Variants in DSCAM observed in about 807,000 individuals in gnomAD.
DSCAM encodes the protein DS cell adhesion molecule.
In DSCAM, 47 loss-of-function variants were observed where a neutral mutation model predicts 217.7. That is an observed-to-expected ratio of 0.22 (90% CI 0.17 to 0.28). The LOEUF (loss-of-function observed/expected upper bound fraction) is 0.28, where lower values mean the gene tolerates loss of function less well. Among genes scored for constraint, DSCAM ranks in the 10% least tolerant of loss-of-function variants. DSCAM has a pLI of 1.00. For synonymous variants in DSCAM, 1,056 were observed against 1,015.3 expected (o/e 1.04, Z -0.76); for missense variants, 2,080 against 2,618.3 (o/e 0.79, Z 4.49).
chr21:40,256,694 C>T (rs1601490285), intron 11 of DSCAM, among the ~76,000 whole-genome samples: 1 of 152,150 alleles, frequency 6.6e-6, no homozygotes, highest in Non-Finnish European at 1.5e-5. Context: ...CTACTTTACT[C>T]AAAAATCTAT....
chr21:40,574,866 C>T (rs984477719), intron 3 of DSCAM, among the ~76,000 whole-genome samples: 2 of 152,100 alleles, frequency 1.3e-5, no homozygotes, highest in African/African-American at 4.8e-5. Context: ...CGCCCCTGCA[C>T]CTGGCTAAGG....
At chr21:40,560,172 G>A (rs2076708937) in intron 3 of DSCAM, among the ~76,000 whole-genome samples, 1 of 152,186 alleles carries the variant, frequency 6.6e-6, no homozygotes. Flanking sequence ...ATGTGAAGAT[G>A]TAGGAGCAGA....
intron 14 of DSCAM, among the ~76,000 whole-genome samples, chr21:40,180,393 T>C (rs577776765): frequency 2.2e-4 from 34 of 152,274 alleles, no homozygotes; most frequent in African/African-American, 8.2e-4. Flanking sequence ...ACAATGAATA[T>C]TGCAGTTAGA....
intron 11 of DSCAM, among the ~76,000 whole-genome samples, chr21:40,209,800 C>T (rs911573170): frequency 5.3e-5 from 8 of 152,156 alleles, no homozygotes; most frequent in African/African-American, 1.9e-4. Flanking sequence ...CTGTGCTGGG[C>T]TGTGAAATGG....
At chr21:40,541,703 T>C (rs1229645108) in intron 3 of DSCAM, among the ~76,000 whole-genome samples, 2 of 152,154 alleles carry the variant, frequency 1.3e-5, no homozygotes, top group Admixed American at 6.5e-5. Flanking sequence ...TGTGATGTCA[T>C]TACATGTATT....
At chr21:40,588,183 G>T (rs1407714814) in intron 3 of DSCAM, among the ~76,000 whole-genome samples, 2 of 152,032 alleles carry the variant, frequency 1.3e-5, no homozygotes, top group Admixed American at 6.6e-5. Context: ...GAAGAGGCAG[G>T]ATCTACCTGA....
rs762958754 is a variant in DSCAM at position 40,254,978 on chromosome 21, T to C, written c.2356+21119A>G. Among the ~76,000 whole-genome samples, 58 of 152,064 alleles carry C rather than the reference T, an allele frequency of 3.8e-4. 2 individuals are homozygous for C. The highest frequency in any genetic ancestry group is 7.3e-5 in the Non-Finnish European group (5 of 68,034). On this transcript the variant is annotated intron_variant, in intron 11 of 32. Transcript: ENST00000400454. ...ATATGATTAATGTCAAATTATAAGCTCCGTGTGGGTAAAGGCCCCCTGGTC... is the reference window on the plus strand; with the variant it reads ...ATATGATTAATGTCAAATTATAAGCCCCGTGTGGGTAAAGGCCCCCTGGTC...
chr21:40,427,048 G>A (rs1388724826), intron 3 of DSCAM, among the ~76,000 whole-genome samples: 4 of 152,216 alleles, frequency 2.6e-5, no homozygotes, highest in Non-Finnish European at 2.9e-5. Flanking sequence ...AGAAGCTTGA[G>A]TGTTCTGATT....
At chr21:40,756,633 C>T (rs558860068) in intron 1 of DSCAM, among the ~76,000 whole-genome samples, 2 of 152,142 alleles carry the variant, frequency 1.3e-5, no homozygotes, top group Admixed American at 1.3e-4. Context: ...CTCAAGTGAT[C>T]CACCCATCTC....
chr21:40,644,216 A>G (rs1441741039), intron 3 of DSCAM, among the ~76,000 whole-genome samples: 1 of 152,250 alleles, frequency 6.6e-6, no homozygotes, highest in East Asian at 1.9e-4. Flanking sequence ...TTAATGGATG[A>G]ACACGCTCTT....
chr21:40,532,440 G>A (rs961238836), intron 3 of DSCAM, among the ~76,000 whole-genome samples: 6 of 152,132 alleles, frequency 3.9e-5, no homozygotes, highest in Non-Finnish European at 7.3e-5. Context: ...CTAGACACAT[G>A]GAAGGCAAGC....
At chr21:40,314,345 A>G (rs1230842036) in intron 8 of DSCAM, among the ~76,000 whole-genome samples, 1 of 152,244 alleles carries the variant, frequency 6.6e-6, no homozygotes, top group Non-Finnish European at 1.5e-5. Flanking sequence ...AGGTACCGAC[A>G]AGCATACTCA....
chr21:40,774,979 CATATAATT>C (rs1378449426), intron 1 of DSCAM, among the ~76,000 whole-genome samples: 1 of 47,304 alleles, frequency 2.1e-5, no homozygotes, highest in Non-Finnish European at 4.6e-5. Context: ...AATTATATAA[CATATAATT>C]ATAATTTTTA....
chr21:40,280,902 T>A (rs932600890), intron 10 of DSCAM, among the ~76,000 whole-genome samples: 1 of 152,138 alleles, frequency 6.6e-6, no homozygotes, highest in African/African-American at 2.4e-5. Context: ...GAGGCTCCCA[T>A]GGGAAGGAAC....
chr21:40,136,589 C>A (rs2837449), intron 18 of DSCAM, among the ~76,000 whole-genome samples: 143,015 of 152,282 alleles, frequency 0.94, 67,650 homozygotes, highest in Non-Finnish European at 0.99. Context: ...ACACACGTAC[C>A]TCCCTACAGA....
At chr21:40,843,914 C>T (rs1037771283) in intron 1 of DSCAM, among the ~76,000 whole-genome samples, 5 of 149,694 alleles carry the variant, frequency 3.3e-5, no homozygotes, top group Admixed American at 6.7e-5. Context: ...TGTTAAAATG[C>T]AGATGTATTG....
At chr21:40,093,959 T>G in intron 20 of DSCAM, 85 bp from the exon 21 acceptor site, 1 of 1,389,408 alleles carries the variant, frequency 7.2e-7, no homozygotes, top group Non-Finnish European at 9.8e-7. Context: ...ATGAACATAT[T>G]AAATATCATA....
chr21:40,633,065 T>C (rs1317542619), intron 3 of DSCAM, among the ~76,000 whole-genome samples: 5 of 152,214 alleles, frequency 3.3e-5, no homozygotes, highest in South Asian at 2.1e-4. Flanking sequence ...TTGTTCCATA[T>C]TGATTTGCTA....
chr21:40,047,591 T>C (rs1460759948), intron 30 of DSCAM, among the ~76,000 whole-genome samples: 2 of 152,172 alleles, frequency 1.3e-5, no homozygotes, highest in East Asian at 3.8e-4. Flanking sequence ...GATAATATAA[T>C]AGGTTACAGA....
Sources: allele counts gnomAD v4.1 joint callset (sites outside exome capture counted in the v4.1 genomes callset), GRCh38; gene constraint gnomAD v4.1.1; transcripts MANE v1.5; gene names NCBI Gene and HGNC (gene_info 2026-07-23, HGNC 2026-07-21).